The following METTL25 variants were observed in gnomAD, a reference collection of about 807,000 sequenced individuals.
The protein encoded by METTL25 is methyltransferase like 25.
In METTL25, 64 loss-of-function variants were observed where a neutral mutation model predicts 71.6. The observed-to-expected ratio is 0.89, with a 90% confidence interval of 0.73 to 1.10. METTL25 has a LOEUF of 1.10. METTL25 is among the 50% of genes least tolerant of loss of function. The pLI, the probability that METTL25 is intolerant of heterozygous loss-of-function variation, is 0.00. For synonymous variants in METTL25, 287 were observed against 250.3 expected (o/e 1.15, Z -1.38); for missense variants, 807 against 707.0 (o/e 1.14, Z -1.60).
chr12:82,395,829 G>T (rs1049897259), intron 3 of METTL25, among the ~76,000 whole-genome samples: 1 of 152,012 alleles, frequency 6.6e-6, no homozygotes, highest in African/African-American at 2.4e-5. Flanking sequence ...GATCAGGGTG[G>T]TGGGGATTTT....
intron 1 of METTL25, among the ~76,000 whole-genome samples, chr12:82,381,926 A>G (rs1884481046): frequency 2.0e-5 from 3 of 152,232 alleles, no homozygotes; most frequent in African/African-American, 4.8e-5. Context: ...AGCATTAACA[A>G]GGTTTGAAAT....
intron 7 of METTL25, among the ~76,000 whole-genome samples, chr12:82,436,497 A>C (rs1889926190): frequency 6.6e-6 from 1 of 151,550 alleles, no homozygotes; most frequent in Admixed American, 6.6e-5. Context: ...CAGGATAGGT[A>C]GTCCGACTTA....
chr12:82,386,925 C>A lies in METTL25; in HGVS notation c.382C>A (p.Gln128Lys), dbSNP rs1885091656. 1.2e-6 allele frequency: 2 copies of A among 1,613,344 alleles called. No individual in the cohort carries two copies. The highest frequency in any genetic ancestry group is 1.7e-6 in the Non-Finnish European group (2 of 1,179,554). The change falls in exon 2 of 12, where the codon CAG (glutamine) becomes AAG (lysine). Residue 128 changes from glutamine (Q) to lysine (K), a missense_variant. Transcript: ENST00000248306. The part of the protein sequence containing the change: ...QNLGICTPFE[Q>K]LLVALRGNQN... Reference sequence around the variant, plus strand: ...CTTGGGAATATGTACTCCTTTTGAACAGTTGCTTGTAGCCCTTCGAGGAAA... The same window carrying A: ...CTTGGGAATATGTACTCCTTTTGAAAAGTTGCTTGTAGCCCTTCGAGGAAA...
chr12:82,400,311 G>A (rs1442570467), intron 4 of METTL25, among the ~76,000 whole-genome samples: 2 of 150,526 alleles, frequency 1.3e-5, no homozygotes, highest in Non-Finnish European at 3.0e-5. Context: ...TAGCCTGGGT[G>A]ACAGAGCGAG....
chr12:82,397,867 G>T (rs1309421662), intron 3 of METTL25, among the ~76,000 whole-genome samples: 1 of 151,832 alleles, frequency 6.6e-6, no homozygotes, highest in African/African-American at 2.4e-5. Context: ...ACTAGCTGTA[G>T]CTATACTACA....
At chr12:82,388,798 C>CTAG in intron 2 of METTL25, 1 of 152,106 alleles carries the variant, frequency 6.6e-6, no homozygotes, top group South Asian at 2.1e-4. Context: ...TATTTGTTTA[C>CTAG]TAGGTTAGTA....
intron 1 of METTL25, among the ~76,000 whole-genome samples, chr12:82,362,261 C>CT (rs1393772393): frequency 5.9e-5 from 9 of 152,244 alleles, no homozygotes; most frequent in African/African-American, 2.2e-4. Context: ...TTAGAAATAA[C>CT]TATCTTTTCA....
At chr12:82,454,151 C>G (rs1308236874) in intron 8 of METTL25, among the ~76,000 whole-genome samples, 1 of 151,994 alleles carries the variant, frequency 6.6e-6, no homozygotes, top group Non-Finnish European at 1.5e-5. Context: ...GGAGAATTCA[C>G]TGGCTTAAAA....
intron 9 of METTL25, among the ~76,000 whole-genome samples, chr12:82,472,449 T>G (rs1892625295): frequency 6.6e-6 from 1 of 152,054 alleles, no homozygotes; most frequent in Non-Finnish European, 1.5e-5. Context: ...ATACAAAAAA[T>G]TAGCCAGGCG....
intron 8 of METTL25, among the ~76,000 whole-genome samples, chr12:82,450,891 C>T (rs1891096973): frequency 6.6e-6 from 1 of 152,082 alleles, no homozygotes; most frequent in Non-Finnish European, 1.5e-5. Flanking sequence ...TTGAGATATC[C>T]ACTATTTACC....
intron 3 of METTL25, 84 bp from the exon 4 acceptor site, chr12:82,398,711 A>G: frequency 2.3e-6 from 2 of 883,986 alleles, no homozygotes; most frequent in Middle Eastern, 3.9e-4. Context: ...TATATAACTC[A>G]TTTGTTTACT....
intron 2 of METTL25, 88 bp from the exon 3 acceptor site, chr12:82,389,728 C>A: frequency 1.3e-6 from 1 of 761,776 alleles, no homozygotes; most frequent in Non-Finnish European, 2.2e-6. Flanking sequence ...TATTTTCCTA[C>A]TTAATTTCAA....
intron 5 of METTL25, among the ~76,000 whole-genome samples, chr12:82,416,006 G>A (rs1887953179): frequency 6.6e-6 from 1 of 151,954 alleles, no homozygotes; most frequent in Admixed American, 6.6e-5. Flanking sequence ...TGTATTTTCT[G>A]GGAAACAAAA....
intron 3 of METTL25, among the ~76,000 whole-genome samples, chr12:82,395,265 G>C (rs1021423385): frequency 2.0e-5 from 3 of 152,058 alleles, no homozygotes; most frequent in Non-Finnish European, 4.4e-5. Context: ...CTCAGCAAAC[G>C]TAGGAGTTAA....
chr12:82,456,624 G>T, intron 8 of METTL25, 103 bp from the exon 9 acceptor site: 1 of 621,484 alleles, frequency 1.6e-6, no homozygotes, highest in Non-Finnish European at 2.8e-6. Flanking sequence ...TGGATCTTGT[G>T]CTATATCCAC....
chr12:82,396,329 C>G (rs934029284), intron 3 of METTL25, among the ~76,000 whole-genome samples: 2 of 151,992 alleles, frequency 1.3e-5, no homozygotes, highest in Non-Finnish European at 2.9e-5. Context: ...GGAATAATTA[C>G]TAAGTTTATT....
At chr12:82,364,380 T>C (rs373390380) in intron 1 of METTL25, among the ~76,000 whole-genome samples, 1 of 152,254 alleles carries the variant, frequency 6.6e-6, no homozygotes, top group South Asian at 2.1e-4. Context: ...TGTGAACTTT[T>C]CCTACGGGGA....
At chr12:82,402,940 C>CT (rs1383514455) in intron 4 of METTL25, 43 bp from the exon 5 acceptor site, 2 of 1,483,598 alleles carry the variant, frequency 1.3e-6, no homozygotes, top group South Asian at 2.5e-5. Flanking sequence ...AAACAACCCT[C>CT]TTTTTAATTA....
chr12:82,412,437 G>A (rs1326230407), intron 5 of METTL25, among the ~76,000 whole-genome samples: 4 of 151,974 alleles, frequency 2.6e-5, no homozygotes, highest in Admixed American at 2.6e-4. Context: ...ATTCCATTGT[G>A]CAAGTATACC....
Sources: gnomAD v4.1 joint callset for allele counts (sites outside exome capture counted in the v4.1 genomes callset) on GRCh38, gnomAD v4.1.1 for gene constraint, MANE v1.5 for transcripts, NCBI Gene and HGNC (gene_info 2026-07-23, HGNC 2026-07-21) for gene names.